The following FGF1 variants were observed in gnomAD, a reference collection of about 807,000 sequenced individuals.
FGF1 encodes beta-endothelial cell growth factor.
In FGF1, 9 loss-of-function variants were observed where a neutral mutation model predicts 13.4. The ratio of observed to expected loss-of-function variants is 0.67; its 90% CI spans 0.40 to 1.17. The LOEUF (loss-of-function observed/expected upper bound fraction) is 1.17. FGF1 is among the 50% of genes most tolerant of loss of function. The pLI is 0.01. For synonymous variants in FGF1, 93 were observed against 79.0 expected, an observed-to-expected ratio of 1.18 and a Z score of -0.94; for missense variants, 156 against 192.7, an observed-to-expected ratio of 0.81 and a Z score of 1.13.
chr5:142,652,957 T>C (rs896417979), intron 1 of FGF1, among the ~76,000 whole-genome samples: 1 of 152,210 alleles, frequency 6.6e-6, no homozygotes, highest in Non-Finnish European at 1.5e-5. Context: ...TCACTTTCCA[T>C]TTATAGACAG....
chr5:142,650,589 G>C (rs544477740), intron 1 of FGF1, among the ~76,000 whole-genome samples: 16 of 152,072 alleles, frequency 1.1e-4, no homozygotes, highest in Non-Finnish European at 2.2e-4. Context: ...AATGATGATG[G>C]CAGGGAGAAT....
chr5:142,675,413 G>C (rs1772348914), intron 1 of FGF1, among the ~76,000 whole-genome samples: 1 of 152,158 alleles, frequency 6.6e-6, no homozygotes, highest in Admixed American at 6.5e-5. Context: ...CCATCTCTCT[G>C]TGCTGGTGCG....
chr5:142,595,312 G>A lies in FGF1; in HGVS notation c.446C>T (p.Pro149Leu), dbSNP rs757372975. ...HYGQKAILFL[P>L]LPVSSD is the part of the protein sequence containing the mutation. The stretch of plus-strand genomic sequence containing the variant: ...TCTTTAATCAGAAGAGACTGGCAGG[G>A]GGAGAAACAAGATTGCTTTCTGGCC... The change falls in exon 4 of 4, where the codon CCC becomes CTC. Residue 149 changes from proline (P) to leucine (L), a missense_variant. Coordinates refer to ENST00000337706, the MANE Select transcript of FGF1 (RefSeq NM_000800.5). The A allele has an allele frequency of 6.2e-7, 1 of 1,613,962 alleles. No homozygotes were observed. The highest frequency in any genetic ancestry group is 8.5e-7 in the Non-Finnish European group (1 of 1,179,868).
chr5:142,696,396 C>T (rs926357690), intron 2 of FGF1, among the ~76,000 whole-genome samples: 3 of 152,208 alleles, frequency 2.0e-5, no homozygotes, highest in Non-Finnish European at 4.4e-5. Context: ...CCCTTCATTG[C>T]TTTCAGTCCA....
intron 3 of FGF1, 128 bp downstream of exon 3, chr5:142,600,574 A>T (rs1054532233): frequency 1.1e-5 from 8 of 711,930 alleles, no homozygotes; most frequent in Admixed American, 1.1e-4. Flanking sequence ...TGAGGGTGGG[A>T]ATCCTTCTGG....
chr5:142,605,368 C>G (rs952681035), intron 2 of FGF1, among the ~76,000 whole-genome samples: 4 of 151,866 alleles, frequency 2.6e-5, no homozygotes, highest in Admixed American at 2.0e-4. Context: ...CGATCCACCC[C>G]CCTCGGCCTC....
intron 1 of FGF1, among the ~76,000 whole-genome samples, chr5:142,619,094 C>G (rs774730792): frequency 1.1e-4 from 17 of 151,764 alleles, no homozygotes; most frequent in Non-Finnish European, 2.4e-4. Flanking sequence ...GCCACCGCGC[C>G]CGGCTAATTT....
chr5:142,678,472 G>T (rs148278996), intron 1 of FGF1, among the ~76,000 whole-genome samples: 4 of 152,134 alleles, frequency 2.6e-5, no homozygotes, highest in Non-Finnish European at 5.9e-5. Context: ...TCCCTCACCC[G>T]CAGCACCCAC....
intron 1 of FGF1, among the ~76,000 whole-genome samples, chr5:142,649,383 T>C (rs1174962751): frequency 6.6e-6 from 1 of 152,128 alleles, no homozygotes; most frequent in African/African-American, 2.4e-5. Context: ...CTACCTTGCA[T>C]TTATGTATAA....
intron 2 of FGF1, among the ~76,000 whole-genome samples, chr5:142,609,601 A>T (rs1758619773): frequency 6.6e-6 from 1 of 152,180 alleles, no homozygotes; most frequent in Admixed American, 6.5e-5. Flanking sequence ...AGATAGTCCC[A>T]GAGAAGCTGG....
In FGF1 at chr5:142,667,868, C is replaced by T. The variant is rs541836287; in HGVS notation, c.-35+18089G>A. The stretch of plus-strand genomic sequence containing the variant: ...GGAGGAAGCGCCCTGGCTAGCCTGA[C>T]GGTGACTGTCTTCCCTTTCTCAACC... On this transcript the variant is annotated intron_variant, in intron 1 of 3. Coordinates refer to ENST00000337706, the MANE Select transcript of FGF1 (RefSeq NM_000800.5). 7.2e-4 allele frequency among the ~76,000 whole-genome samples: 110 copies of T among 152,336 alleles called. 1 individual carries two copies. Among genetic ancestry groups the T allele is most frequent in the Non-Finnish European group, 1.1e-3 (77 of 68,020 alleles).
At chr5:142,608,643 G>A (rs1481039279) in intron 2 of FGF1, among the ~76,000 whole-genome samples, 1 of 141,654 alleles carries the variant, frequency 7.1e-6, no homozygotes, top group Non-Finnish European at 1.5e-5. Flanking sequence ...CTTAAAAGGT[G>A]TCTGCTTCTT....
intron 3 of FGF1, among the ~76,000 whole-genome samples, chr5:142,597,508 GTCAA>G (rs1427163692): frequency 1.3e-5 from 2 of 152,164 alleles, no homozygotes; most frequent in East Asian, 3.8e-4. Flanking sequence ...CTTACTTGTA[GTCAA>G]TCTGTTGGTG....
At chr5:142,666,184 A>G (rs13161649) in intron 1 of FGF1, among the ~76,000 whole-genome samples, 97,089 of 97,094 alleles carry the variant, frequency 1, 48,542 homozygotes, top group Middle Eastern at 1. Flanking sequence ...TATTAGGGTG[A>G]AATCTGTATC....
chr5:142,598,545 A>G (rs1755774358), intron 3 of FGF1, among the ~76,000 whole-genome samples: 1 of 152,192 alleles, frequency 6.6e-6, no homozygotes, highest in African/African-American at 2.4e-5. Flanking sequence ...ACATATTATA[A>G]AATCACCCAT....
At chr5:142,651,370 C>T (rs1156563118) in intron 1 of FGF1, among the ~76,000 whole-genome samples, 1 of 152,180 alleles carries the variant, frequency 6.6e-6, no homozygotes, top group African/African-American at 2.4e-5. Context: ...TGAGTAGTTT[C>T]AGGTTCCAGC....
intron 2 of FGF1, among the ~76,000 whole-genome samples, chr5:142,694,360 T>C (rs1383218983): frequency 1.3e-5 from 2 of 152,118 alleles, no homozygotes; most frequent in African/African-American, 4.8e-5. Flanking sequence ...CCACAGGATA[T>C]TGTAAAGATA....
chr5:142,676,372 T>C (rs1490076055), intron 1 of FGF1, among the ~76,000 whole-genome samples: 2 of 152,322 alleles, frequency 1.3e-5, no homozygotes, highest in East Asian at 3.9e-4. Flanking sequence ...TCCTATGAGA[T>C]AGGAACAAGT....
At position 142,592,196 on chromosome 5, in the gene FGF1, T is replaced by C; in HGVS notation, c.*3094A>G. The C allele has an allele frequency of 5.0e-6, 2 of 396,478 alleles. No individual in the cohort carries two copies. Among genetic ancestry groups the C allele is most frequent in the Non-Finnish European group, 8.9e-6 (2 of 225,116 alleles). 24.6% of individuals were successfully genotyped at this position (396,478 alleles called of 1,614,324 possible). A position where few individuals can be genotyped will look rare whatever the true frequency, so the allele number is the denominator to read the frequency against. On this transcript the variant is annotated 3_prime_UTR_variant, in exon 4 of 4. Coordinates refer to ENST00000337706, the MANE Select transcript of FGF1 (RefSeq NM_000800.5). The stretch of plus-strand genomic sequence containing the variant: ...GACATTATCACCTATTATTGGAACA[T>C]TTATTAATATTTGTAAGGTGCAGAC...
Sources: gnomAD v4.1 joint callset for allele counts (sites outside exome capture counted in the v4.1 genomes callset) on GRCh38, gnomAD v4.1.1 for gene constraint, MANE v1.5 for transcripts, NCBI Gene and HGNC (gene_info 2026-07-23, HGNC 2026-07-21) for gene names.